Variants in RNF115 observed in about 807,000 individuals in gnomAD.
RNF115 encodes ring finger protein 115, also known as E3 ubiquitin-protein ligase RNF115.
RNF115 carries 31 observed loss-of-function variants against 39.2 expected under a neutral mutation model. The ratio of observed to expected loss-of-function variants is 0.79; its 90% CI spans 0.59 to 1.07. RNF115 has a LOEUF of 1.07. RNF115 is among the 50% of genes least tolerant of loss of function. The pLI is 0.00. For synonymous variants in RNF115, 124 were observed against 131.0 expected, an observed-to-expected ratio of 0.95 and a Z score of 0.37; for missense variants, 384 against 381.7, an observed-to-expected ratio of 1.01 and a Z score of -0.05.
intron 2 of RNF115, 167 bp downstream of exon 2, chr1:145,788,741 T>G (rs1007974457): frequency 2.8e-6 from 2 of 706,954 alleles, no homozygotes; most frequent in African/African-American, 3.5e-5. Flanking sequence ...TCCTCTCCCA[T>G]TCTTCTGCCC....
intron 2 of RNF115, among the ~76,000 whole-genome samples, chr1:145,785,104 C>T (rs1387539863): frequency 6.6e-6 from 1 of 152,136 alleles, no homozygotes; most frequent in Non-Finnish European, 1.5e-5. Flanking sequence ...CCTTTCAGGA[C>T]CCATCTCAAA....
At chr1:145,788,012 A>G (rs956667996) in intron 2 of RNF115, among the ~76,000 whole-genome samples, 6 of 152,228 alleles carry the variant, frequency 3.9e-5, no homozygotes, top group Non-Finnish European at 7.3e-5. Flanking sequence ...ATGAAGGCCA[A>G]TAAGAACAAA....
chr1:145,823,642 T>A, intron 1 of RNF115, 130 bp downstream of exon 1: 1 of 695,932 alleles, frequency 1.4e-6, no homozygotes. Context: ...GGCTTAGAAG[T>A]GGGCAGCAGG....
intron 4 of RNF115, among the ~76,000 whole-genome samples, chr1:145,763,013 G>T (rs1553714068): frequency 6.6e-6 from 1 of 152,050 alleles, no homozygotes. Context: ...AAAGGGAGAG[G>T]GAGGGAGAAG....
intron 4 of RNF115, among the ~76,000 whole-genome samples, chr1:145,756,079 G>T (rs1221768599): frequency 6.6e-6 from 1 of 152,174 alleles, no homozygotes; most frequent in Non-Finnish European, 1.5e-5. Context: ...AAAATTAAGA[G>T]ATTTCAAGCA....
chr1:145,798,645 G>A (rs1424943659), intron 1 of RNF115, among the ~76,000 whole-genome samples: 2 of 152,058 alleles, frequency 1.3e-5, no homozygotes, highest in Admixed American at 1.3e-4. Context: ...TGGCTATTAG[G>A]GGTAACGTGA....
intron 1 of RNF115, among the ~76,000 whole-genome samples, chr1:145,799,720 G>A (rs1291154467): frequency 1.3e-5 from 2 of 152,162 alleles, no homozygotes; most frequent in African/African-American, 4.8e-5. Context: ...AGCGTCCCAA[G>A]TAGCTAGGAC....
chr1:145,799,456 C>T (rs1420435646), intron 1 of RNF115, among the ~76,000 whole-genome samples: 1 of 152,038 alleles, frequency 6.6e-6, no homozygotes, highest in Non-Finnish European at 1.5e-5. Flanking sequence ...CTTTTTCTTG[C>T]CTAAATTGGC....
rs587773795 is a variant in RNF115 at position 145,782,157 on chromosome 1, G to A, written c.219+2382C>T. 2.2e-4 allele frequency among the ~76,000 whole-genome samples: 34 copies of A among 151,936 alleles called. No homozygotes were observed. In the South Asian group the frequency reaches 3.9e-3, roughly 18 times the overall value. On this transcript the variant is annotated intron_variant, in intron 3 of 8. Transcript: ENST00000582693. ...CAACCTCCCGTGATCCACCTGCCTC[G>A]GCCTCCCAAAGTGCTGGGATTACAA...
intron 1 of RNF115, among the ~76,000 whole-genome samples, chr1:145,822,047 C>T (rs1353318094): frequency 6.6e-6 from 1 of 151,802 alleles, no homozygotes; most frequent in South Asian, 2.1e-4. Context: ...AGCATTTAGG[C>T]GGGGAGCAGT....
intron 3 of RNF115, among the ~76,000 whole-genome samples, chr1:145,784,140 A>G (rs1648270945): frequency 6.6e-6 from 1 of 152,224 alleles, no homozygotes; most frequent in South Asian, 2.1e-4. Flanking sequence ...AGACTATTTC[A>G]TTGTGACTTC....
At chr1:145,775,358 A>G (rs1465521858) in intron 3 of RNF115, among the ~76,000 whole-genome samples, 2 of 152,128 alleles carry the variant, frequency 1.3e-5, no homozygotes, top group African/African-American at 4.8e-5. Flanking sequence ...TAGAACAGTT[A>G]TAACAATATA....
Position 145,823,792 on chromosome 1 carries a change from CG to C in RNF115, c.81del (p.Glu28ArgfsTer22). 6.3e-7 allele frequency: 1 copy of C among 1,581,902 alleles called. No individual in the cohort carries two copies. ...CTTACCGGTAGTTTGGGGCTGACCT[CG>C]CCCTTGCAAAAGTGGCAGAAAAACC... ...AHRFFCHFCK[G>X]EVSPKLPEYI... On this transcript the variant is annotated frameshift_variant, in exon 1 of 9. Coordinates refer to ENST00000582693, the MANE Select transcript of RNF115 (RefSeq NM_014455.4). LOFTEE classifies it high-confidence loss of function.
intron 4 of RNF115, among the ~76,000 whole-genome samples, chr1:145,760,982 G>C (rs1403170082): frequency 1.3e-5 from 2 of 152,180 alleles, no homozygotes; most frequent in Non-Finnish European, 2.9e-5. Flanking sequence ...TTGGGAACTG[G>C]AGCAAAGAAG....
At chr1:145,748,231 T>C (rs1252458612) in intron 7 of RNF115, 121 bp from the exon 8 acceptor site, 3 of 676,856 alleles carry the variant, frequency 4.4e-6, no homozygotes, top group Non-Finnish European at 7.9e-6. Flanking sequence ...CAAAAGAAAA[T>C]GTACACCCAA....
intron 3 of RNF115, among the ~76,000 whole-genome samples, chr1:145,782,999 T>G (rs1277585927): frequency 6.6e-6 from 1 of 152,152 alleles, no homozygotes; most frequent in Non-Finnish European, 1.5e-5. Context: ...GTAGCTAGGA[T>G]TACAGGCTCA....
At chr1:145,791,933 T>A (rs958183197) in intron 1 of RNF115, among the ~76,000 whole-genome samples, 4 of 152,076 alleles carry the variant, frequency 2.6e-5, no homozygotes, top group Non-Finnish European at 4.4e-5. Flanking sequence ...TATTTTATTT[T>A]ATTTATTTAT....
intron 1 of RNF115, among the ~76,000 whole-genome samples, chr1:145,817,857 G>A (rs1422531705): frequency 8.1e-6 from 1 of 122,868 alleles, no homozygotes; most frequent in Non-Finnish European, 1.7e-5. Flanking sequence ...TTGGCTTTCT[G>A]TTCCTGCTTT....
chr1:145,807,858 C>A (rs1175251072), intron 1 of RNF115, among the ~76,000 whole-genome samples: 1 of 152,126 alleles, frequency 6.6e-6, no homozygotes, highest in Non-Finnish European at 1.5e-5. Flanking sequence ...TTCACACACC[C>A]TTCCCAGCCT....
Sources: gnomAD v4.1 joint callset for allele counts (sites outside exome capture counted in the v4.1 genomes callset) on GRCh38, gnomAD v4.1.1 for gene constraint, MANE v1.5 for transcripts, NCBI Gene and HGNC (gene_info 2026-07-23, HGNC 2026-07-21) for gene names.